Variants in CPA5 observed in about 807,000 individuals in gnomAD.
CPA5 encodes carboxypeptidase A5.
Under a neutral mutation model 52.2 loss-of-function variants are expected in CPA5, and 38 were observed. The observed-to-expected ratio is 0.73, with a 90% CI of 0.56 to 0.95. The LOEUF is 0.95. Ranked by LOEUF, CPA5 falls within the 40% of genes least tolerant of loss-of-function variation. CPA5 has a pLI of 0.00. For synonymous variants in CPA5, 198 were observed against 213.7 expected (o/e 0.93, Z 0.64); for missense variants, 519 against 566.7 (o/e 0.92, Z 0.86).
chr7:130,368,835 C>T (rs1351629532), downstream of CPA5: 2 of 540,704 alleles, frequency 3.7e-6, no homozygotes, highest in African/African-American at 3.8e-5. Flanking sequence ...TGGGGGAAGC[C>T]TCTGCACTCT....
At chr7:130,372,809 C>T (rs986796240), downstream of CPA5, among the ~76,000 whole-genome samples, 2 of 152,200 alleles carry the variant, frequency 1.3e-5, no homozygotes, top group African/African-American at 2.4e-5. Context: ...GCAGAGTCTG[C>T]AGCAGCTTCT....
chr7:130,362,479 C>T lies in CPA5; in HGVS notation c.576C>T (p.Asp192=), dbSNP rs1444788145. Residue 192 remains aspartate, a synonymous_variant, in exon 8 of 13, where the codon GAC becomes GAT. Transcript: ENST00000474905. ...CTCGGCACCCAGCCATCTGGATTGA[C>T]ACTGGAATTCACTCCCGGGAGTGGA... The part of the protein sequence containing the change: ...GGSRHPAIWI[D]TGIHSREWIT... The T allele has an allele frequency of 6.2e-7, 1 of 1,613,552 alleles. No individual in the cohort carries two copies. The highest frequency in any genetic ancestry group is 8.5e-7 in the Non-Finnish European group (1 of 1,179,660).
At position 130,362,535 on chromosome 7, in the gene CPA5, A is replaced by G. The variant is rs1562958163; in HGVS notation, c.632A>G (p.Asn211Ser). ...CATGCCACCGGCATCTGGACTGCCA[A>G]TAAGGTCAGCATGGACCTGTAGCCA... ...ITHATGIWTANKIVSDYGKDR... is the reference protein window; with the variant it reads ...ITHATGIWTASKIVSDYGKDR... The change falls in exon 8 of 13, where the codon AAT (asparagine) becomes AGT (serine). Residue 211 changes from asparagine to serine, a missense_variant. Transcript: ENST00000474905. 3 of 1,611,798 alleles carry G rather than the reference A, an allele frequency of 1.9e-6. No individual in the cohort carries two copies. The highest frequency in any genetic ancestry group is 1.3e-5 in the African/African-American group (1 of 75,022).
At chr7:130,345,956 T>A (rs1584779373) in intron 2 of CPA5, 60 bp downstream of exon 2, 1 of 152,372 alleles carries the variant, frequency 6.6e-6, no homozygotes, top group East Asian at 1.9e-4. Context: ...GATTTAGAGA[T>A]TAGGGCAGCT....
chr7:130,365,846 C>G (rs1278302846), intron 10 of CPA5, among the ~76,000 whole-genome samples: 4 of 152,236 alleles, frequency 2.6e-5, no homozygotes, highest in African/African-American at 7.2e-5. Context: ...TGTCATTCAT[C>G]AAGTGGAGCA....
At chr7:130,373,775 T>A in the CPA5 span, among the ~76,000 whole-genome samples, 13 of 152,240 alleles carry the variant, frequency 8.5e-5, no homozygotes, top group Non-Finnish European at 8.8e-5. Flanking sequence ...ATGGGGCCTG[T>A]CGGAACTTCC....
intron 12 of CPA5, 97 bp from the exon 13 acceptor site, chr7:130,368,313 C>A: frequency 7.9e-7 from 1 of 1,264,276 alleles, no homozygotes; most frequent in Non-Finnish European, 1.1e-6. Flanking sequence ...GGGGGTTTGG[C>A]TCCCAGGGCT....
downstream of CPA5, among the ~76,000 whole-genome samples, chr7:130,369,638 T>C (rs889734659): frequency 2.7e-5 from 4 of 150,306 alleles, no homozygotes; most frequent in African/African-American, 7.3e-5. Flanking sequence ...TGTGTGTGCG[T>C]GTGTGTGTGT....
chr7:130,361,744 A>T (rs73152855), intron 7 of CPA5, among the ~76,000 whole-genome samples: 1,593 of 152,312 alleles, frequency 0.01, 11 homozygotes, highest in Middle Eastern at 0.024. Flanking sequence ...TCCTTGGGTC[A>T]TGAAGGAAGT....
intron 5 of CPA5, among the ~76,000 whole-genome samples, chr7:130,356,039 G>A (rs978261922): frequency 5.3e-5 from 8 of 152,316 alleles, no homozygotes; most frequent in Admixed American, 3.3e-4. Context: ...GTTGCTACTG[G>A]CCACATAGCT....
chr7:130,346,966 C>G (rs1356635911), intron 3 of CPA5, among the ~76,000 whole-genome samples: 4 of 152,138 alleles, frequency 2.6e-5, no homozygotes, highest in African/African-American at 7.2e-5. Context: ...GACTACATAC[C>G]CCTACCAAAA....
chr7:130,346,219 C>T (rs1319437086), intron 2 of CPA5, among the ~76,000 whole-genome samples, 174 bp from the exon 3 acceptor site: 1 of 150,784 alleles, frequency 6.6e-6, no homozygotes, highest in African/African-American at 2.4e-5. Context: ...GCTGCCCTGG[C>T]AAACCTCCTG....
intron 8 of CPA5, 58 bp downstream of exon 8, chr7:130,362,597 G>C: frequency 7.9e-7 from 1 of 1,273,880 alleles, no homozygotes; most frequent in Non-Finnish European, 1.1e-6. Flanking sequence ...CTGGGGGCAG[G>C]AACTTACTAT....
At chr7:130,361,070 A>G in intron 6 of CPA5, 73 bp from the exon 7 acceptor site, 1 of 917,928 alleles carries the variant, frequency 1.1e-6, no homozygotes. Flanking sequence ...GACAGGGAGA[A>G]CATTCAGAGA....
intron 4 of CPA5, 40 bp from the exon 5 acceptor site, chr7:130,349,935 A>T (rs781907273): frequency 4.4e-6 from 7 of 1,593,686 alleles, no homozygotes; most frequent in Non-Finnish European, 5.1e-6. Context: ...GTGGAAGGAC[A>T]TGGAGTAATG....
rs568284744 is a variant in CPA5 at position 130,357,528 on chromosome 7, C to T, written c.334-2061C>T. 2.0e-5 allele frequency among the ~76,000 whole-genome samples: 3 copies of T among 151,390 alleles called. No homozygotes were observed. The South Asian group carries it at 6.3e-4, about 32-fold the overall frequency. Reference sequence around the variant, plus strand: ...ATCCCAGCTACTCGGGAGGCAGAGGCAGGAGAATCGCTTGAACCTGGGAGG... The same window carrying T: ...ATCCCAGCTACTCGGGAGGCAGAGGTAGGAGAATCGCTTGAACCTGGGAGG... On this transcript the variant is annotated intron_variant, in intron 5 of 12. Transcript: ENST00000474905.
chr7:130,368,275 A>C, intron 12 of CPA5, 135 bp from the exon 13 acceptor site: 1 of 813,118 alleles, frequency 1.2e-6, no homozygotes, highest in Non-Finnish European at 1.9e-6. Context: ...AGGCCTGGGC[A>C]GGAAGCCTGG....
chr7:130,347,655 C>G, intron 3 of CPA5, 111 bp from the exon 4 acceptor site: 2 of 861,644 alleles, frequency 2.3e-6, no homozygotes, highest in Non-Finnish European at 3.8e-6. Context: ...CTCCTGGCCT[C>G]CCCGCCTGGC....
chr7:130,362,582 T>G, intron 8 of CPA5, 43 bp downstream of exon 8: 1 of 1,405,754 alleles, frequency 7.1e-7, no homozygotes, highest in Non-Finnish European at 1.0e-6. Context: ...CGATGGGGGC[T>G]GCAACTGGGG....
Sources: gnomAD v4.1 joint callset for allele counts (sites outside exome capture counted in the v4.1 genomes callset) on GRCh38, gnomAD v4.1.1 for gene constraint, MANE v1.5 for transcripts, NCBI Gene and HGNC (gene_info 2026-07-23, HGNC 2026-07-21) for gene names.